The following RAI14 variants were observed in gnomAD, a reference collection of about 807,000 sequenced individuals.
The protein encoded by RAI14 is retinoic acid induced 14, also known as ankycorbin.
RAI14 carries 45 observed loss-of-function variants against 115.4 expected under a neutral mutation model. The ratio of observed to expected loss-of-function variants is 0.39; its 90% CI spans 0.31 to 0.50. The LOEUF (loss-of-function observed/expected upper bound fraction) is 0.50. Ranked by LOEUF, RAI14 falls within the 20% of genes least tolerant of loss-of-function variation. RAI14 has a pLI of 0.85. For missense variants in RAI14, 939 were observed against 1,131.2 expected, an observed-to-expected ratio of 0.83 and a Z score of 2.44; for synonymous variants, 371 against 415.4, an observed-to-expected ratio of 0.89 and a Z score of 1.30.
At chr5:34,657,966 C>G (rs569387803) in intron 1 of RAI14, among the ~76,000 whole-genome samples, 1 of 151,980 alleles carries the variant, frequency 6.6e-6, no homozygotes, top group African/African-American at 2.4e-5. Flanking sequence ...ATTTTTTTCC[C>G]CCTTGGGTTT....
intron 3 of RAI14, among the ~76,000 whole-genome samples, chr5:34,763,621 G>A (rs1331138633): frequency 6.6e-6 from 1 of 152,162 alleles, no homozygotes; most frequent in East Asian, 1.9e-4. Flanking sequence ...GGAAAGACAA[G>A]GCCAATGAAA....
chr5:34,743,978 A>G (rs1197123563), intron 2 of RAI14, among the ~76,000 whole-genome samples: 1 of 152,236 alleles, frequency 6.6e-6, no homozygotes, highest in African/African-American at 2.4e-5. Context: ...GACTCTGACT[A>G]TTTAGACACT....
At chr5:34,761,850 A>G (rs1260998120) in intron 3 of RAI14, among the ~76,000 whole-genome samples, 1 of 151,722 alleles carries the variant, frequency 6.6e-6, no homozygotes, top group Non-Finnish European at 1.5e-5. Context: ...CTTGATTTGA[A>G]CGCTTGGCCT....
At chr5:34,712,746 G>A (rs1199789489) in intron 2 of RAI14, among the ~76,000 whole-genome samples, 3 of 152,158 alleles carry the variant, frequency 2.0e-5, no homozygotes, top group East Asian at 3.8e-4. Flanking sequence ...GTGACAAACG[G>A]GTTTGGGAAA....
At chr5:34,780,699 C>T (rs1258523068) in intron 3 of RAI14, among the ~76,000 whole-genome samples, 1 of 152,096 alleles carries the variant, frequency 6.6e-6, no homozygotes, top group Non-Finnish European at 1.5e-5. Context: ...GTTAGAATGG[C>T]AATCATTAAA....
At position 34,739,400 on chromosome 5, in the gene RAI14, C is replaced by T. The variant is rs114214301; in HGVS notation, c.37-18068C>T. 5.1e-3 allele frequency among the ~76,000 whole-genome samples: 769 copies of T among 152,132 alleles called. 3 individuals are homozygous for T. Among genetic ancestry groups the T allele is most frequent in the African/African-American group, 0.017 (723 of 41,478 alleles). On this transcript the variant is annotated intron_variant, in intron 2 of 17. Coordinates refer to ENST00000265109, the MANE Select transcript of RAI14 (RefSeq NM_015577.3). ...CTATATTATACTGCATTTCAAAAGG[C>T]GGGACTGAGATTAGAGATCTGTGGT... is the stretch of plus-strand genomic sequence containing the variant.
chr5:34,830,939 G>A lies in RAI14; in HGVS notation c.*174G>A. 1 of 1,194,070 alleles carries A rather than the reference G, an allele frequency of 8.4e-7. No individual in the cohort carries two copies. The highest frequency in any genetic ancestry group is 2.8e-5 in the East Asian group (1 of 35,958). The allele number at this position is 1,194,070 out of a possible 1,614,324, so 74.0% of individuals were successfully genotyped here. ...TCCCAGGAGAAGACTGCCCGCCTCA[G>A]AACTGCTTAGAGACTTCAAACCAGC... On this transcript the variant is annotated 3_prime_UTR_variant, in exon 18 of 18. Coordinates refer to ENST00000265109, the MANE Select transcript of RAI14 (RefSeq NM_015577.3).
intron 5 of RAI14, among the ~76,000 whole-genome samples, 188 bp downstream of exon 5, chr5:34,803,964 C>G (rs1754579075): frequency 6.6e-6 from 1 of 152,184 alleles, no homozygotes; most frequent in Non-Finnish European, 1.5e-5. Flanking sequence ...AGCAACTCCA[C>G]TGGCAGAGAA....
intron 1 of RAI14, among the ~76,000 whole-genome samples, chr5:34,661,775 C>T (rs768850540): frequency 7.9e-5 from 12 of 152,154 alleles, no homozygotes; most frequent in Non-Finnish European, 1.8e-4. Flanking sequence ...GTATTCCACA[C>T]GACATCTGCA....
chr5:34,665,840 A>G (rs1027402673), intron 1 of RAI14, among the ~76,000 whole-genome samples: 4 of 152,102 alleles, frequency 2.6e-5, no homozygotes, highest in Non-Finnish European at 5.9e-5. Flanking sequence ...ACTGCCACCC[A>G]CAGTTCGAAA....
chr5:34,798,361 T>TTTTA (rs1554006835), intron 4 of RAI14, among the ~76,000 whole-genome samples: 14 of 149,990 alleles, frequency 9.3e-5, no homozygotes, highest in South Asian at 2.1e-4. Flanking sequence ...TTTTTTTTTT[T>TTTTA]AATACATGCT....
chr5:34,794,931 C>G (rs960305238), intron 3 of RAI14, among the ~76,000 whole-genome samples: 8 of 152,018 alleles, frequency 5.3e-5, no homozygotes, highest in African/African-American at 1.9e-4. Flanking sequence ...GTACAGACAC[C>G]AAGGGACTTC....
intron 2 of RAI14, among the ~76,000 whole-genome samples, chr5:34,717,166 A>C (rs1219148661): frequency 5.3e-5 from 8 of 152,206 alleles, no homozygotes; most frequent in African/African-American, 1.4e-4. Flanking sequence ...TTTATGACTT[A>C]TACTGTGACT....
intron 3 of RAI14, among the ~76,000 whole-genome samples, chr5:34,778,642 G>A (rs1026698292): frequency 6.6e-6 from 1 of 151,958 alleles, no homozygotes; most frequent in Admixed American, 6.6e-5. Context: ...ATGTAGGCGG[G>A]TTTGGTGGCT....
At chr5:34,742,120 G>A (rs1745589937) in intron 2 of RAI14, among the ~76,000 whole-genome samples, 2 of 152,214 alleles carry the variant, frequency 1.3e-5, no homozygotes, top group South Asian at 4.1e-4. Flanking sequence ...ATTGGCTGGG[G>A]AGGTGGAGGG....
At chr5:34,720,711 A>AT (rs897355366) in intron 2 of RAI14, among the ~76,000 whole-genome samples, 7 of 151,154 alleles carry the variant, frequency 4.6e-5, no homozygotes, top group Admixed American at 1.3e-4. Flanking sequence ...CGCCCGGCAG[A>AT]TTTTTTTTTC....
chr5:34,661,052 A>G (rs1208056947), intron 1 of RAI14, among the ~76,000 whole-genome samples: 1 of 152,200 alleles, frequency 6.6e-6, no homozygotes, highest in Non-Finnish European at 1.5e-5. Flanking sequence ...TGCCGTGTAT[A>G]GGTTGAGTAT....
At chr5:34,665,178 C>CATATAT (rs201354748) in intron 1 of RAI14, among the ~76,000 whole-genome samples, 3 of 7,086 alleles carry the variant, frequency 4.2e-4, no homozygotes, top group East Asian at 2.0e-3. Context: ...TATATACACA[C>CATATAT]ATATATATAT....
At chr5:34,772,346 A>G (rs939790660) in intron 3 of RAI14, among the ~76,000 whole-genome samples, 1 of 152,234 alleles carries the variant, frequency 6.6e-6, no homozygotes, top group African/African-American at 2.4e-5. Flanking sequence ...TTATTAAGTT[A>G]GTGCAAAAGT....
Sources: gnomAD v4.1 joint callset for allele counts (sites outside exome capture counted in the v4.1 genomes callset) on GRCh38, gnomAD v4.1.1 for gene constraint, MANE v1.5 for transcripts, NCBI Gene and HGNC (gene_info 2026-07-23, HGNC 2026-07-21) for gene names.